The following TMEM132E variants were observed in gnomAD, a reference collection of about 807,000 sequenced individuals.
TMEM132E encodes transmembrane protein 132E.
TMEM132E carries 49 observed loss-of-function variants against 78.5 expected under a neutral mutation model. That is an observed-to-expected ratio of 0.62 (90% confidence interval 0.50 to 0.79). The LOEUF (loss-of-function observed/expected upper bound fraction) is 0.79, where lower values mean the gene tolerates loss of function less well. TMEM132E is among the 30% of genes least tolerant of loss of function. The pLI is 0.00. For missense variants in TMEM132E, 1,403 were observed against 1,470.9 expected (o/e 0.95, Z 0.75); for synonymous variants, 715 against 670.6 (o/e 1.07, Z -1.02).
At chr17:34,586,121 C>A (rs558525652) in intron 1 of TMEM132E, among the ~76,000 whole-genome samples, 1 of 152,014 alleles carries the variant, frequency 6.6e-6, no homozygotes, top group Non-Finnish European at 1.5e-5. Context: ...AGAGCACACG[C>A]CTCTCTCCCC....
In TMEM132E at chr17:34,581,627, G is replaced by A. The variant is rs374883500; in HGVS notation, c.67+484G>A. Reference sequence around the variant, plus strand: ...CGCTTCCTGCGGCGGTCCTCGGGAAGGGAAGTGGACTGACTCCGGGCCGGG... The same window carrying A: ...CGCTTCCTGCGGCGGTCCTCGGGAAAGGAAGTGGACTGACTCCGGGCCGGG... On this transcript the variant is annotated intron_variant, in intron 1 of 8. Coordinates refer to ENST00000631683, the MANE Select transcript of TMEM132E (RefSeq NM_001304438.2). Among the ~76,000 whole-genome samples, 110 of 151,950 alleles carry A rather than the reference G, an allele frequency of 7.2e-4. 3 individuals carry two copies. In the East Asian group the frequency reaches 0.019, roughly 26 times the overall value.
In TMEM132E at chr17:34,632,761, A is replaced by G. The variant is rs767820561; in HGVS notation, c.1540A>G (p.Asn514Asp). The change falls in exon 6 of 9, where the codon AAC becomes GAC. Residue 514 changes from asparagine (N) to aspartate (D), a missense_variant. Physicochemically the swap from Asn to Asp is conservative, Grantham distance 23. Transcript: ENST00000631683. ...VSGKESRGSM[N>D]ARVTFRYDVL... ...TGGAAAAGAGTCTCGAGGGTCCATG[A>G]ACGCCAGGGTCACCTTCCGCTACGA... The G allele has an allele frequency of 6.2e-7, 1 of 1,614,180 alleles. No homozygotes were observed. The highest frequency in any genetic ancestry group is 2.2e-5 in the East Asian group (1 of 44,874).
At chr17:34,634,664 G>A (rs1341432374) in intron 6 of TMEM132E, 135 bp from the exon 7 acceptor site, 1 of 1,050,490 alleles carries the variant, frequency 9.5e-7, no homozygotes. Context: ...TGGAAGGCAT[G>A]AGCCATAGAG....
intron 1 of TMEM132E, among the ~76,000 whole-genome samples, chr17:34,611,164 G>A (rs1906579167): frequency 6.6e-6 from 1 of 152,262 alleles, no homozygotes; most frequent in Non-Finnish European, 1.5e-5. Context: ...AGAGGGAACA[G>A]CATGTGCAAA....
chr17:34,632,236 C>A (rs893464240), intron 5 of TMEM132E, among the ~76,000 whole-genome samples: 1 of 152,110 alleles, frequency 6.6e-6, no homozygotes, highest in African/African-American at 2.4e-5. Context: ...CATGGGTCTG[C>A]CCCCCATCCC....
intron 1 of TMEM132E, among the ~76,000 whole-genome samples, chr17:34,613,211 A>ACACGCGCGCGCGCGCGCGCG: frequency 3.5e-5 from 4 of 115,856 alleles, no homozygotes; most frequent in South Asian, 3.4e-4. Flanking sequence ...ACACACACAC[A>ACACGCGCGCGCGCGCGCGCG]CGCGCGCGCG....
chr17:34,627,805 C>T (rs1441403157), intron 2 of TMEM132E, among the ~76,000 whole-genome samples: 1 of 152,124 alleles, frequency 6.6e-6, no homozygotes, highest in East Asian at 1.9e-4. Flanking sequence ...CCTCAGTGTC[C>T]TACCTTCAAG....
At chr17:34,634,707 G>A in intron 6 of TMEM132E, 92 bp from the exon 7 acceptor site, 1 of 1,436,160 alleles carries the variant, frequency 7.0e-7, no homozygotes, top group Non-Finnish European at 9.3e-7. Context: ...CTGGGAAGCT[G>A]GGAGGACCCA....
At chr17:34,607,567 A>G (rs934938859) in intron 1 of TMEM132E, among the ~76,000 whole-genome samples, 1 of 152,126 alleles carries the variant, frequency 6.6e-6, no homozygotes, top group Non-Finnish European at 1.5e-5. Context: ...AACTGCCTGG[A>G]GTTAACACAG....
rs3220449 is a variant in TMEM132E at position 34,600,426 on chromosome 17, AGTGTGT to A, written c.67+19315_67+19320del. The stretch of plus-strand genomic sequence containing the variant: ...CGTTTGTTAAGTTTGAGCGTATATG[AGTGTGT>A]GTGTGTGTGTGTGTGTGTGTGTGTG... On this transcript the variant is annotated intron_variant, in intron 1 of 8. Transcript: ENST00000631683. 2.3e-4 allele frequency among the ~76,000 whole-genome samples: 33 copies of A among 144,034 alleles called. 1 individual carries two copies. The highest frequency in any genetic ancestry group is 7.0e-4 in the African/African-American group (27 of 38,772). 94.5% of individuals were successfully genotyped at this position (144,034 alleles called of 152,430 possible).
rs1304173346 is a variant in TMEM132E at position 34,626,821 on chromosome 17, C to T, written c.762C>T (p.Pro254=). 5 of 1,544,198 alleles carry T rather than the reference C, an allele frequency of 3.2e-6. No individual in the cohort carries two copies. The South Asian group carries it at 4.7e-5, about 14-fold the overall frequency. Residue 254 remains proline (P), a synonymous_variant, in exon 2 of 9, where the codon CCC becomes CCT. Coordinates refer to ENST00000631683, the MANE Select transcript of TMEM132E (RefSeq NM_001304438.2). ...GCGGSRRGAG[P]GVGARAESPT... Reference sequence around the variant, plus strand: ...GGGGCTCCCGCCGGGGGGCCGGGCCCGGGGTGGGGGCCCGAGCGGAAAGCC... The same window carrying T: ...GGGGCTCCCGCCGGGGGGCCGGGCCTGGGGTGGGGGCCCGAGCGGAAAGCC...
chr17:34,582,531 G>A (rs944188153), intron 1 of TMEM132E, among the ~76,000 whole-genome samples: 2 of 151,666 alleles, frequency 1.3e-5, no homozygotes, highest in Admixed American at 1.3e-4. Flanking sequence ...GTTGTTTTGC[G>A]TTCAGTTCAC....
In TMEM132E at chr17:34,626,250, C is replaced by G. The variant is rs539445182; in HGVS notation, c.191C>G (p.Pro64Arg). 1.0e-5 allele frequency: 16 copies of G among 1,599,756 alleles called. No individual in the cohort carries two copies. In the Admixed American group the frequency reaches 2.6e-4, roughly 26 times the overall value. Residue 64 changes from proline (P) to arginine (R), a missense_variant, in exon 2 of 9, where the codon CCG becomes CGG. This residue lies in a region of TMEM132E where 511 missense variants were observed against 499.0 expected (regional missense o/e 1.02). Transcript: ENST00000631683. Reference protein sequence around the residue: ...LAFFLREARPPSPAVANSSLQ... With the variant: ...LAFFLREARPRSPAVANSSLQ... Reference sequence around the variant, plus strand: ...TTCTTCCTGCGGGAGGCGCGGCCCCCGTCACCCGCGGTCGCCAACAGCTCT... The same window carrying G: ...TTCTTCCTGCGGGAGGCGCGGCCCCGGTCACCCGCGGTCGCCAACAGCTCT...
At chr17:34,598,554 A>G (rs1597678811) in intron 1 of TMEM132E, among the ~76,000 whole-genome samples, 1 of 152,110 alleles carries the variant, frequency 6.6e-6, no homozygotes, top group African/African-American at 2.4e-5. Flanking sequence ...GGGCCTACCC[A>G]GGACAGCCCT....
chr17:34,595,855 T>C (rs1176681544), intron 1 of TMEM132E, among the ~76,000 whole-genome samples: 2 of 152,200 alleles, frequency 1.3e-5, no homozygotes, highest in African/African-American at 4.8e-5. Context: ...GGGACTGTAT[T>C]TGGGGAGGCG....
At chr17:34,611,226 G>C (rs1026761387) in intron 1 of TMEM132E, among the ~76,000 whole-genome samples, 7 of 152,254 alleles carry the variant, frequency 4.6e-5, no homozygotes, top group African/African-American at 1.7e-4. Flanking sequence ...TGGGGGTGTG[G>C]GTTGGGGAGT....
At position 34,628,154 on chromosome 17, in the gene TMEM132E, G is replaced by A. The variant is rs536787550; in HGVS notation, c.999-409G>A. ...GCTTTTTGAAGAACTACTACAGTTA[G>A]GACAGAGGGGAATTGTTCTCTGTTG... On this transcript the variant is annotated intron_variant, in intron 2 of 8. Coordinates refer to ENST00000631683, the MANE Select transcript of TMEM132E (RefSeq NM_001304438.2). Among the ~76,000 whole-genome samples the A allele has an allele frequency of 2.6e-4, 39 of 152,340 alleles. 1 individual carries two copies. Among genetic ancestry groups the A allele is most frequent in the Middle Eastern group, 3.4e-3 (1 of 294 alleles).
At chr17:34,627,469 T>TGTGCGCGCGCGCGC (rs1555564423) in intron 2 of TMEM132E, among the ~76,000 whole-genome samples, 55 of 112,028 alleles carry the variant, frequency 4.9e-4, no homozygotes, top group African/African-American at 1.4e-3. Context: ...AAAAGAATCG[T>TGTGCGCGCGCGCGC]GTGTGTGTGT....
chr17:34,632,755 T>C lies in TMEM132E; in HGVS notation c.1534T>C (p.Ser512Pro). The C allele has an allele frequency of 6.2e-7, 1 of 1,614,070 alleles. No homozygotes were observed. Among genetic ancestry groups the C allele is most frequent in the Non-Finnish European group, 8.5e-7 (1 of 1,180,010 alleles). Residue 512 changes from serine to proline, a missense_variant, in exon 6 of 9, where the codon TCC becomes CCC. By Grantham distance (74) the Ser-to-Pro change is moderately conservative. This residue lies in a region of TMEM132E where 888 missense variants were observed against 952.8 expected (regional missense o/e 0.93). Coordinates refer to ENST00000631683, the MANE Select transcript of TMEM132E (RefSeq NM_001304438.2). Reference protein sequence around the residue: ...VFVSGKESRGSMNARVTFRYD... With the variant: ...VFVSGKESRGPMNARVTFRYD... ...TGTGAGTGGAAAAGAGTCTCGAGGG[T>C]CCATGAACGCCAGGGTCACCTTCCG...
Sources: gnomAD v4.1 joint callset for allele counts (sites outside exome capture counted in the v4.1 genomes callset) on GRCh38, gnomAD v4.1.1 for gene constraint, gnomAD v4.1.1 regional missense constraint, MANE v1.5 for transcripts, NCBI Gene and HGNC (gene_info 2026-07-23, HGNC 2026-07-21) for gene names.